CCDC38: variants seen among roughly 807,000 people sequenced by gnomAD.
CCDC38 encodes coiled-coil domain-containing protein 38.
In CCDC38, 69 loss-of-function variants were observed where a neutral mutation model predicts 72.8. That is an observed-to-expected ratio of 0.95 (90% CI 0.78 to 1.16). The LOEUF (loss-of-function observed/expected upper bound fraction) is 1.16, where lower values mean the gene tolerates loss of function less well. CCDC38 is among the 50% of genes most tolerant of loss of function. The pLI is 0.00. For synonymous variants in CCDC38, 201 were observed against 213.2 expected (o/e 0.94, Z 0.50); for missense variants, 626 against 638.9 (o/e 0.98, Z 0.22).
intron 13 of CCDC38, among the ~76,000 whole-genome samples, chr12:95,877,479 G>T (rs76002053): frequency 0.13 from 19,918 of 152,030 alleles, 1,776 homozygotes; most frequent in Non-Finnish European, 0.19. Context: ...CCCTCAGTTT[G>T]GTCCCGAAAC....
At chr12:95,927,503 C>G (rs2080285615) in intron 2 of CCDC38, among the ~76,000 whole-genome samples, 1 of 151,748 alleles carries the variant, frequency 6.6e-6, no homozygotes, top group Non-Finnish European at 1.5e-5. Flanking sequence ...ATTTGCCAGT[C>G]TGTGCCTTTT....
intron 4 of CCDC38, among the ~76,000 whole-genome samples, chr12:95,913,156 G>T (rs997192326): frequency 3.8e-4 from 58 of 152,174 alleles, no homozygotes; most frequent in African/African-American, 1.3e-3. Flanking sequence ...TGCCTAGGAG[G>T]CCCACATCTT....
At chr12:95,903,298 C>T (rs1007542943) in intron 5 of CCDC38, 6 of 555,858 alleles carry the variant, frequency 1.1e-5, no homozygotes, top group Non-Finnish European at 1.6e-5. Flanking sequence ...TAGATTTCTT[C>T]AGATTTTCTG....
At chr12:95,904,128 AT>A (rs2079977528) in intron 5 of CCDC38, among the ~76,000 whole-genome samples, 1 of 152,140 alleles carries the variant, frequency 6.6e-6, no homozygotes, top group South Asian at 2.1e-4. Context: ...CAAGGAATCT[AT>A]TTCATCTAAG....
At chr12:95,905,901 G>A (rs1357452455) in intron 5 of CCDC38, among the ~76,000 whole-genome samples, 1 of 152,092 alleles carries the variant, frequency 6.6e-6, no homozygotes, top group Non-Finnish European at 1.5e-5. Flanking sequence ...GACTCCATAA[G>A]GGACCTGGCA....
intron 8 of CCDC38, among the ~76,000 whole-genome samples, chr12:95,892,583 CTTT>C (rs577335624): frequency 3.5e-4 from 42 of 121,144 alleles, no homozygotes; most frequent in African/African-American, 5.1e-4. Context: ...GGCTTAAATT[CTTT>C]TTTTTTTTTT....
In CCDC38 at chr12:95,936,383, T is replaced by C. The variant is rs2080394053; in HGVS notation, c.37+90A>G. 3.4e-6 allele frequency: 4 copies of C among 1,176,836 alleles called. No individual in the cohort carries two copies. In the African/African-American group the frequency reaches 6.2e-5, roughly 18 times the overall value. The allele number at this position is 1,176,836 out of a possible 1,614,324, so 72.9% of individuals were successfully genotyped here. ...CTCATTACATTTTATATTTATGGTG[T>C]AACATTCTCCTTTTCTTATGCTCAC... On this transcript the variant is annotated intron_variant, in intron 2 of 15. Coordinates refer to ENST00000344280, the MANE Select transcript of CCDC38 (RefSeq NM_182496.3).
intron 5 of CCDC38, 113 bp from the exon 6 acceptor site, chr12:95,898,844 T>C (rs994376579): frequency 3.8e-6 from 4 of 1,065,230 alleles, no homozygotes; most frequent in Non-Finnish European, 4.0e-6. Flanking sequence ...TACGCCTAAA[T>C]CTTGGAGCAA....
Position 95,872,402 on chromosome 12 carries a change from C to T in CCDC38, c.1337G>A (p.Gly446Glu). The change falls in exon 14 of 16, where the codon GGA becomes GAA. Residue 446 changes from glycine (G) to glutamate (E), a missense_variant. Transcript: ENST00000344280. ...KITQVYKVCI[G>E]DAEDDGLNPI... ...GTTGAGGCCGTCATCCTCAGCATCT[C>T]CAATGCAGACTTTGTATACTTGAGT... 6.2e-7 allele frequency: 1 copy of T among 1,614,098 alleles called. No homozygotes were observed. The highest frequency in any genetic ancestry group is 8.5e-7 in the Non-Finnish European group (1 of 1,179,998).
chr12:95,938,745 C>T (rs999334398), intron 1 of CCDC38, among the ~76,000 whole-genome samples: 3 of 152,102 alleles, frequency 2.0e-5, no homozygotes, highest in Admixed American at 1.3e-4. Context: ...TTATAAAGTC[C>T]CCTTTCCAAT....
intron 7 of CCDC38, among the ~76,000 whole-genome samples, chr12:95,897,610 CAAAAAAA>C (rs370408931): frequency 2.7e-5 from 2 of 75,352 alleles, no homozygotes; most frequent in Non-Finnish European, 5.4e-5. Flanking sequence ...AACTCCCTCT[CAAAAAAA>C]AAAAAAAAAA....
At chr12:95,907,556 C>A (rs1432825341) in intron 4 of CCDC38, among the ~76,000 whole-genome samples, 1 of 130,238 alleles carries the variant, frequency 7.7e-6, no homozygotes, top group Non-Finnish European at 1.6e-5. Context: ...ACCTCCCGGA[C>A]GAGGCGGCTG....
At chr12:95,903,476 G>A (rs923026803) in intron 5 of CCDC38, 4 of 700,054 alleles carry the variant, frequency 5.7e-6, no homozygotes, top group Admixed American at 4.0e-5. Flanking sequence ...AATCTTAGGG[G>A]GAAAGCATTC....
At chr12:95,894,414 T>C (rs2079863484) in intron 8 of CCDC38, among the ~76,000 whole-genome samples, 1 of 152,254 alleles carries the variant, frequency 6.6e-6, no homozygotes, top group Non-Finnish European at 1.5e-5. Flanking sequence ...TGCTTTATGC[T>C]ACACTCCAAA....
chr12:95,886,466 G>A (rs1394925123), intron 10 of CCDC38, among the ~76,000 whole-genome samples: 1 of 152,042 alleles, frequency 6.6e-6, no homozygotes, highest in Non-Finnish European at 1.5e-5. Flanking sequence ...TTCATAACCC[G>A]AAATTCATCA....
chr12:95,905,793 T>C (rs1042650552), intron 5 of CCDC38, among the ~76,000 whole-genome samples: 5 of 152,340 alleles, frequency 3.3e-5, no homozygotes, highest in Middle Eastern at 6.8e-3. Context: ...TGAATATGCA[T>C]ATAGACATAG....
At chr12:95,930,981 T>G (rs2080331697) in intron 2 of CCDC38, among the ~76,000 whole-genome samples, 1 of 152,152 alleles carries the variant, frequency 6.6e-6, no homozygotes, top group South Asian at 2.1e-4. Flanking sequence ...ATTAACAACC[T>G]TGAGAGAAGG....
intron 13 of CCDC38, among the ~76,000 whole-genome samples, chr12:95,873,091 T>G (rs528486118): frequency 4.6e-5 from 7 of 152,328 alleles, no homozygotes; most frequent in African/African-American, 1.7e-4. Flanking sequence ...GCAACAAACA[T>G]TTTAAATCGT....
chr12:95,893,428 TCCC>T lies in CCDC38; in HGVS notation c.772+1558_772+1560del, dbSNP rs2079851402. On this transcript the variant is annotated intron_variant, in intron 8 of 15. Transcript: ENST00000344280. ...TTCCTTCCCTCCCTCCCTCCCTCCC[TCCC>T]TCCCTCCCTCCCTTCCTTCCTTCTT... is the stretch of plus-strand genomic sequence containing the variant. Among the ~76,000 whole-genome samples, 9 of 49,714 alleles carry T rather than the reference TCCC, an allele frequency of 1.8e-4. No individual in the cohort carries two copies. In the East Asian group the frequency reaches 4.1e-3, roughly 23 times the overall value. 32.6% of individuals were successfully genotyped at this position (49,714 alleles called of 152,430 possible).
Sources: gnomAD v4.1 joint callset for allele counts (sites outside exome capture counted in the v4.1 genomes callset) on GRCh38, gnomAD v4.1.1 for gene constraint, MANE v1.5 for transcripts, NCBI Gene and HGNC (gene_info 2026-07-23, HGNC 2026-07-21) for gene names.